SMYD3: variants seen among roughly 807,000 people sequenced by gnomAD.
The protein encoded by SMYD3 is histone-lysine N-methyltransferase SMYD3.
In SMYD3, 36 loss-of-function variants were observed where a neutral mutation model predicts 57.7. That is an observed-to-expected ratio of 0.62 (90% CI 0.48 to 0.82). The LOEUF (loss-of-function observed/expected upper bound fraction) is 0.82. Among genes scored for constraint, SMYD3 ranks in the 40% least tolerant of loss-of-function variants. SMYD3 has a pLI of 0.00. For synonymous variants in SMYD3, 211 were observed against 195.0 expected (o/e 1.08, Z -0.68); for missense variants, 515 against 538.8 (o/e 0.96, Z 0.44).
intron 5 of SMYD3, among the ~76,000 whole-genome samples, chr1:245,960,455 A>T (rs2057969948): frequency 6.6e-6 from 1 of 152,150 alleles, no homozygotes; most frequent in Non-Finnish European, 1.5e-5. Flanking sequence ...TATTACCAGC[A>T]CTAAAGAATG....
chr1:245,813,005 C>CTTTT lies in SMYD3; in HGVS notation c.1076+45487_1076+45490dup, dbSNP rs770448717. The stretch of plus-strand genomic sequence containing the variant: ...TGGAGCCATGGTCATGAGACAGCTT[C>CTTTT]TTTTTTTTTTTTTTTTTTTTTTTTT... On this transcript the variant is annotated intron_variant, in intron 10 of 11. Coordinates refer to ENST00000490107, the MANE Select transcript of SMYD3 (RefSeq NM_001167740.2). Among the ~76,000 whole-genome samples the CTTTT allele has an allele frequency of 3.3e-4, 25 of 75,642 alleles. 2 individuals carry two copies. Among genetic ancestry groups the CTTTT allele is most frequent in the African/African-American group, 9.1e-4 (18 of 19,748 alleles). 49.6% of individuals were successfully genotyped at this position (75,642 alleles called of 152,430 possible).
intron 10 of SMYD3, among the ~76,000 whole-genome samples, chr1:245,803,580 A>G (rs2047982204): frequency 6.6e-6 from 1 of 152,248 alleles, no homozygotes; most frequent in South Asian, 2.1e-4. Context: ...CGACAACTCA[A>G]ATGCAAACCC....
intron 8 of SMYD3, among the ~76,000 whole-genome samples, chr1:245,872,036 C>A (rs1049071336): frequency 1.3e-5 from 2 of 152,194 alleles, no homozygotes; most frequent in Admixed American, 1.3e-4. Flanking sequence ...TGATCCACCA[C>A]AAACCACACC....
rs60915002 is a variant in SMYD3, at chr1:246,225,321, C to CAAAAAAAAAAAA, written c.531+101868_531+101879dup. Reference sequence around the variant, plus strand: ...GTTATGTGGAAGACTGCTGAAAAGTCAAAAAAAAAAAAAAAAAAAAAAAAA... The same window carrying CAAAAAAAAAAAA: ...GTTATGTGGAAGACTGCTGAAAAGTCAAAAAAAAAAAAAAAAAAAAAAAAAAAAAAAAAAAAA... On this transcript the variant is annotated intron_variant, in intron 5 of 11. Coordinates refer to ENST00000490107, the MANE Select transcript of SMYD3 (RefSeq NM_001167740.2). Among the ~76,000 whole-genome samples, 503 of 76,168 alleles carry CAAAAAAAAAAAA rather than the reference C, an allele frequency of 6.6e-3. 94 individuals are homozygous for CAAAAAAAAAAAA. Among genetic ancestry groups the CAAAAAAAAAAAA allele is most frequent in the Middle Eastern group, 0.015 (1 of 68 alleles). 50.0% of individuals were successfully genotyped at this position (76,168 alleles called of 152,430 possible). A position where few individuals can be genotyped will look rare whatever the true frequency, so the allele number is the denominator to read the frequency against.
At chr1:246,133,606 T>C (rs940782620) in intron 5 of SMYD3, among the ~76,000 whole-genome samples, 3 of 152,118 alleles carry the variant, frequency 2.0e-5, no homozygotes, top group Non-Finnish European at 4.4e-5. Flanking sequence ...CTTCTTGATA[T>C]ATGTCATCAC....
At chr1:246,487,839 C>A (rs1360667994) in intron 1 of SMYD3, among the ~76,000 whole-genome samples, 1 of 152,066 alleles carries the variant, frequency 6.6e-6, no homozygotes, top group African/African-American at 2.4e-5. Context: ...GGATTACAGG[C>A]ATGCACCACC....
At chr1:246,452,021 T>C (rs2067641019) in intron 1 of SMYD3, among the ~76,000 whole-genome samples, 2 of 152,220 alleles carry the variant, frequency 1.3e-5, no homozygotes, top group South Asian at 4.1e-4. Flanking sequence ...TCTTCATCTG[T>C]GAAATTAAGA....
chr1:245,979,793 CG>C (rs1205722614), intron 5 of SMYD3, among the ~76,000 whole-genome samples: 1 of 152,204 alleles, frequency 6.6e-6, no homozygotes, highest in Non-Finnish European at 1.5e-5. Context: ...AACCCAGCCC[CG>C]GCAGCTAGAT....
intron 9 of SMYD3, among the ~76,000 whole-genome samples, chr1:245,859,573 C>T (rs1419954879): frequency 6.6e-6 from 1 of 152,166 alleles, no homozygotes; most frequent in South Asian, 2.1e-4. Context: ...CCAGTGAATT[C>T]TCTGGGAAAC....
At chr1:246,383,435 A>G (rs1338989411) in intron 1 of SMYD3, among the ~76,000 whole-genome samples, 1 of 152,252 alleles carries the variant, frequency 6.6e-6, no homozygotes, top group Non-Finnish European at 1.5e-5. Context: ...ATCAGAATCT[A>G]CATCTTAATC....
rs2066778874 is a variant in SMYD3 at position 246,402,056 on chromosome 1, C to T, written c.165-46962G>A. ...ATTTTAAGATTGTTCATCCATAATA[C>T]ATTGTAGTCTGAAAGAAGAATAACC... is the stretch of plus-strand genomic sequence containing the variant. On this transcript the variant is annotated intron_variant, in intron 1 of 11. Coordinates refer to ENST00000490107, the MANE Select transcript of SMYD3 (RefSeq NM_001167740.2). Among the ~76,000 whole-genome samples the T allele has an allele frequency of 2.0e-5, 3 of 152,126 alleles. No individual in the cohort carries two copies. In the South Asian group the frequency reaches 6.2e-4, roughly 32 times the overall value.
intron 7 of SMYD3, among the ~76,000 whole-genome samples, chr1:245,921,570 T>TATATATACAC (rs1231534223): frequency 6.8e-6 from 1 of 147,898 alleles, no homozygotes; most frequent in African/African-American, 2.5e-5. Context: ...TATATATATA[T>TATATATACAC]ACACATACCA....
chr1:246,049,037 G>A lies in SMYD3; in HGVS notation c.532-119100C>T, dbSNP rs575360522. ...TAGTTCTTAGTAAAAGGAGACCATAGCAGGCATGCAGCATTATGTACAGAT... is the reference window on the plus strand; with the variant it reads ...TAGTTCTTAGTAAAAGGAGACCATAACAGGCATGCAGCATTATGTACAGAT... On this transcript the variant is annotated intron_variant, in intron 5 of 11. Transcript: ENST00000490107. 2.6e-5 allele frequency among the ~76,000 whole-genome samples: 4 copies of A among 152,240 alleles called. No individual in the cohort carries two copies. The East Asian group carries it at 7.8e-4, about 30-fold the overall frequency.
chr1:246,139,233 G>C (rs552475667), intron 5 of SMYD3, among the ~76,000 whole-genome samples: 1 of 152,112 alleles, frequency 6.6e-6, no homozygotes, highest in Non-Finnish European at 1.5e-5. Context: ...TGTTATAAAG[G>C]GTCTTTCTCA....
intron 5 of SMYD3, among the ~76,000 whole-genome samples, chr1:246,143,855 C>T (rs2061801834): frequency 6.6e-6 from 1 of 152,182 alleles, no homozygotes; most frequent in African/African-American, 2.4e-5. Context: ...ACTACATCAC[C>T]TCACAGAAGG....
At chr1:245,844,592 A>T (rs530288379) in intron 10 of SMYD3, among the ~76,000 whole-genome samples, 8 of 130,280 alleles carry the variant, frequency 6.1e-5, no homozygotes, top group Admixed American at 3.4e-4. Context: ...TCTCACCTCT[A>T]CTTCCTTGGT....
At chr1:245,811,583 G>A (rs747700534) in intron 10 of SMYD3, among the ~76,000 whole-genome samples, 13 of 152,066 alleles carry the variant, frequency 8.5e-5, no homozygotes, top group Middle Eastern at 3.2e-3. Context: ...TAATGTGGCC[G>A]TTCTTGTCAT....
intron 9 of SMYD3, among the ~76,000 whole-genome samples, chr1:245,860,789 C>G (rs1325626889): frequency 6.6e-6 from 1 of 152,228 alleles, no homozygotes; most frequent in Non-Finnish European, 1.5e-5. Context: ...CTGGGCTAAC[C>G]TCCGTGGCTT....
At chr1:246,198,767 T>G (rs930570135) in intron 5 of SMYD3, among the ~76,000 whole-genome samples, 3 of 152,206 alleles carry the variant, frequency 2.0e-5, no homozygotes, top group Non-Finnish European at 4.4e-5. Context: ...AGGTCACGAT[T>G]TTCAGCAAAA....
Sources: gnomAD v4.1 joint callset for allele counts (sites outside exome capture counted in the v4.1 genomes callset) on GRCh38, gnomAD v4.1.1 for gene constraint, MANE v1.5 for transcripts, NCBI Gene and HGNC (gene_info 2026-07-23, HGNC 2026-07-21) for gene names.